The following ARHGAP44 variants were observed in gnomAD, a reference collection of about 807,000 sequenced individuals.
ARHGAP44 encodes the protein rho GTPase-activating protein 44.
ARHGAP44 carries 43 observed loss-of-function variants against 106.8 expected under a neutral mutation model. The observed-to-expected ratio is 0.40, with a 90% CI of 0.32 to 0.52. The LOEUF (loss-of-function observed/expected upper bound fraction) is 0.52, where lower values mean the gene tolerates loss of function less well. ARHGAP44 is among the 20% of genes least tolerant of loss of function. The pLI is 0.48. For synonymous variants in ARHGAP44, 439 were observed against 410.3 expected (o/e 1.07, Z -0.85); for missense variants, 866 against 1,050.5 (o/e 0.82, Z 2.43).
intron 10 of ARHGAP44, among the ~76,000 whole-genome samples, 177 bp from the exon 11 acceptor site, chr17:12,948,962 GT>G (rs1269466754): frequency 6.6e-6 from 1 of 152,230 alleles, no homozygotes; most frequent in Non-Finnish European, 1.5e-5. Context: ...CTGCTCTGAA[GT>G]TGCTTATGTG....
At chr17:12,806,309 A>G (rs929755854) in intron 1 of ARHGAP44, among the ~76,000 whole-genome samples, 6 of 152,176 alleles carry the variant, frequency 3.9e-5, no homozygotes, top group Non-Finnish European at 1.5e-5. Context: ...GGAAAGTGGG[A>G]ATGGCAGGTG....
chr17:12,957,162 C>T (rs777608877), intron 15 of ARHGAP44, among the ~76,000 whole-genome samples: 10 of 152,054 alleles, frequency 6.6e-5, no homozygotes, highest in African/African-American at 1.2e-4. Flanking sequence ...TTCTCCATGT[C>T]GCTCAGGCTG....
intron 16 of ARHGAP44, among the ~76,000 whole-genome samples, chr17:12,959,964 T>G (rs969187626): frequency 2.0e-5 from 3 of 152,306 alleles, no homozygotes; most frequent in Admixed American, 2.0e-4. Context: ...ATCCAAGAAC[T>G]GTTAGAGGTG....
At chr17:12,873,951 A>G (rs941407588) in intron 1 of ARHGAP44, among the ~76,000 whole-genome samples, 6 of 126,130 alleles carry the variant, frequency 4.8e-5, no homozygotes, top group East Asian at 2.2e-4. Flanking sequence ...ATAAATAAAT[A>G]AAAGAAAGAA....
At chr17:12,900,176 C>G (rs1376954115) in intron 3 of ARHGAP44, among the ~76,000 whole-genome samples, 1 of 151,756 alleles carries the variant, frequency 6.6e-6, no homozygotes, top group Non-Finnish European at 1.5e-5. Flanking sequence ...GTCGCCCAGG[C>G]TGGAGCGCAG....
intron 8 of ARHGAP44, among the ~76,000 whole-genome samples, chr17:12,942,971 T>C (rs774247906): frequency 9.9e-5 from 15 of 152,256 alleles, no homozygotes; most frequent in Non-Finnish European, 2.1e-4. Context: ...TGATCAGTTA[T>C]ATGTTAGACT....
intron 2 of ARHGAP44, among the ~76,000 whole-genome samples, chr17:12,895,231 C>T (rs976187691): frequency 3.9e-5 from 6 of 152,150 alleles, no homozygotes; most frequent in South Asian, 2.1e-4. Flanking sequence ...CTGCTCCTTA[C>T]GAACTGTTAG....
chr17:12,928,513 CTG>C (rs376167712), intron 6 of ARHGAP44, among the ~76,000 whole-genome samples: 4 of 151,864 alleles, frequency 2.6e-5, no homozygotes, highest in Non-Finnish European at 4.4e-5. Flanking sequence ...TCATTCCATA[CTG>C]TGTGTGTGTG....
intron 1 of ARHGAP44, among the ~76,000 whole-genome samples, chr17:12,859,485 A>G (rs75800847): frequency 0.025 from 3,756 of 152,324 alleles, 153 homozygotes; most frequent in African/African-American, 0.085. Context: ...GTGAAAAGCC[A>G]TCTTCTCATC....
At chr17:12,912,200 A>T (rs1190060011) in intron 4 of ARHGAP44, among the ~76,000 whole-genome samples, 1 of 152,228 alleles carries the variant, frequency 6.6e-6, no homozygotes, top group Non-Finnish European at 1.5e-5. Flanking sequence ...AGGGAAGATA[A>T]CATGTCCATG....
chr17:12,878,962 C>T (rs188436260), intron 1 of ARHGAP44, among the ~76,000 whole-genome samples: 1 of 152,256 alleles, frequency 6.6e-6, no homozygotes, highest in Admixed American at 6.5e-5. Flanking sequence ...AGCTGCAATA[C>T]TTGTATCAGT....
intron 1 of ARHGAP44, among the ~76,000 whole-genome samples, chr17:12,792,045 CTT>C (rs1216176753): frequency 6.6e-6 from 1 of 152,186 alleles, no homozygotes; most frequent in Non-Finnish European, 1.5e-5. Context: ...TTTCTTAACT[CTT>C]TTTCTCCCCA....
intron 1 of ARHGAP44, among the ~76,000 whole-genome samples, chr17:12,865,442 G>T (rs1358989750): frequency 6.6e-6 from 1 of 152,120 alleles, no homozygotes; most frequent in Non-Finnish European, 1.5e-5. Context: ...AAAACAATTG[G>T]TAAAGTGTCA....
In ARHGAP44 at chr17:12,921,227, C is replaced by T. The variant is rs11650639; in HGVS notation, c.464+1396C>T. 1.8e-3 allele frequency among the ~76,000 whole-genome samples: 269 copies of T among 152,202 alleles called. 2 individuals are homozygous for T. Among genetic ancestry groups the T allele is most frequent in the Middle Eastern group, 3.4e-3 (1 of 294 alleles). On this transcript the variant is annotated intron_variant, in intron 6 of 20. Coordinates refer to ENST00000379672, the MANE Select transcript of ARHGAP44 (RefSeq NM_014859.6). ...GATTACAGGCACCTGCCACCACGCT[C>T]AGCTAATTTTTGTATTTTTAGTATA...
chr17:12,836,671 A>C (rs772530885), intron 1 of ARHGAP44, among the ~76,000 whole-genome samples: 6 of 152,000 alleles, frequency 3.9e-5, no homozygotes, highest in Non-Finnish European at 7.4e-5. Flanking sequence ...AAAGAAAAGA[A>C]AAAAAAGAAA....
At chr17:12,969,097 C>T (rs1425331690) in intron 16 of ARHGAP44, among the ~76,000 whole-genome samples, 2 of 152,082 alleles carry the variant, frequency 1.3e-5, no homozygotes, top group Non-Finnish European at 2.9e-5. Flanking sequence ...AGAGAACTCA[C>T]CCCAAAATCT....
chr17:12,877,227 T>C (rs1233771765), intron 1 of ARHGAP44, among the ~76,000 whole-genome samples: 2 of 152,198 alleles, frequency 1.3e-5, no homozygotes, highest in Non-Finnish European at 2.9e-5. Context: ...CCCCTTTAGT[T>C]ACTTACTAAA....
chr17:12,983,498 T>C (rs150807313), intron 19 of ARHGAP44, among the ~76,000 whole-genome samples: 1 of 152,176 alleles, frequency 6.6e-6, no homozygotes, highest in East Asian at 1.9e-4. Flanking sequence ...AGGGCAATAA[T>C]GTACTTTGAA....
chr17:12,885,510 G>T (rs73978267), intron 1 of ARHGAP44, among the ~76,000 whole-genome samples: 8,822 of 150,240 alleles, frequency 0.059, 834 homozygotes, highest in African/African-American at 0.2. Context: ...TATTCCATAT[G>T]GTCAAGAACT....
Sources: allele counts gnomAD v4.1 joint callset (sites outside exome capture counted in the v4.1 genomes callset), GRCh38; gene constraint gnomAD v4.1.1; transcripts MANE v1.5; gene names NCBI Gene and HGNC (gene_info 2026-07-23, HGNC 2026-07-21).